The following TLN1 variants were observed in gnomAD, a reference collection of about 807,000 sequenced individuals.
TLN1 encodes talin-1.
A neutral mutation model predicts 292.3 loss-of-function variants in TLN1; 56 were observed. The observed-to-expected ratio is 0.19, with a 90% CI of 0.15 to 0.24. TLN1 has a LOEUF of 0.24. TLN1 is among the 10% of genes least tolerant of loss of function. The probability of loss-of-function intolerance (pLI) is 1.00; values close to 1 mark genes in which losing one functional copy is unlikely to be tolerated. For missense variants in TLN1, 2,433 were observed against 3,248.2 expected (o/e 0.75, Z 6.10); for synonymous variants, 1,119 against 1,253.7 (o/e 0.89, Z 2.27).
chr9:35,717,318 T>C lies in TLN1; in HGVS notation c.2286A>G (p.Gln762=), dbSNP rs763542371. The stretch of plus-strand genomic sequence containing the variant: ...CTGCTGCTCCTACCCCTCGCAACAG[T>C]TGCCCATCCTCTGTAGCTGCCTGGG... ...SASQAATEDG[Q]LLRGVGAAAT... is the part of the protein sequence containing the mutation. The change falls in exon 19 of 57, where the codon CAA becomes CAG. Residue 762 remains glutamine (Q), a synonymous_variant. Coordinates refer to ENST00000314888, the MANE Select transcript of TLN1 (RefSeq NM_006289.4). The surrounding 1 kb of genome is among the most constrained non-coding windows in gnomAD (Gnocchi z 4.7). The C allele has an allele frequency of 2.5e-6, 4 of 1,613,984 alleles. No homozygotes were observed. The African/African-American group carries it at 4.0e-5, about 16-fold the overall frequency.
intron 30 of TLN1, 85 bp from the exon 31 acceptor site, chr9:35,711,167 C>T (rs949195343): frequency 6.2e-7 from 1 of 1,609,798 alleles, no homozygotes; most frequent in Admixed American, 1.7e-5. Context: ...TGCCTATAAC[C>T]ATTCCTAAGC....
rs944856694 is a variant in TLN1 at position 35,705,870 on chromosome 9, G to A, written c.5512-19C>T. The A allele has an allele frequency of 5.0e-6, 8 of 1,614,146 alleles. No individual in the cohort carries two copies. In the Admixed American group the frequency reaches 6.7e-5, roughly 13 times the overall value. ...CATCTAGCTGAGGGGGGAGGATAGGGAAAGGGAAAGACTGTTAGGGTCTCT... is the reference window on the plus strand; with the variant it reads ...CATCTAGCTGAGGGGGGAGGATAGGAAAAGGGAAAGACTGTTAGGGTCTCT... On this transcript the variant is annotated intron_variant, in intron 41 of 56. Transcript: ENST00000314888.
Position 35,726,227 on chromosome 9 carries a change from C to T in TLN1, c.-33-500G>A, listed in dbSNP as rs557322943. On this transcript the variant is annotated intron_variant, in intron 1 of 56. Transcript: ENST00000314888. ...CCGGCCAAGTCCTAACAATTTAAGA[C>T]ATCTGAGGGAAAGGAGAAGCTGGTC... Among the ~76,000 whole-genome samples the T allele has an allele frequency of 1.4e-3, 214 of 152,318 alleles. 1 individual carries two copies. Among genetic ancestry groups the T allele is most frequent in the African/African-American group, 5.1e-3 (210 of 41,576 alleles).
At chr9:35,705,108 G>A (rs867628425) in intron 43 of TLN1, among the ~76,000 whole-genome samples, 2 of 152,204 alleles carry the variant, frequency 1.3e-5, no homozygotes, top group African/African-American at 2.4e-5. Flanking sequence ...TCAGAGGGCC[G>A]TGGATTACCA....
At position 35,719,791 on chromosome 9, in the gene TLN1, G is replaced by C. The variant is rs1825848983; in HGVS notation, c.1527C>G (p.Ala509=). The C allele has an allele frequency of 1.2e-6, 2 of 1,606,266 alleles. No homozygotes were observed. The highest frequency in any genetic ancestry group is 1.7e-6 in the Non-Finnish European group (2 of 1,176,300). Residue 509 remains alanine, a synonymous_variant, in exon 14 of 57, where the codon GCC becomes GCG. Coordinates refer to ENST00000314888, the MANE Select transcript of TLN1 (RefSeq NM_006289.4). This position sits in a 1 kb window ranked among gnomAD's most constrained non-coding sequence, Gnocchi z 4.6. The part of the protein sequence containing the change: ...INSSMQAVQA[A]QATLDDFDTL... ...TGTCAAAGTCATCCAGGGTGGCCTGGGCAGCCTGCACGGCCTGCATGCTGG... is the reference window on the plus strand; with the variant it reads ...TGTCAAAGTCATCCAGGGTGGCCTGCGCAGCCTGCACGGCCTGCATGCTGG...
Position 35,707,091 on chromosome 9 carries a change from T to C in TLN1, c.4936A>G (p.Lys1646Glu). 1 of 1,612,634 alleles carries C rather than the reference T, an allele frequency of 6.2e-7. No homozygotes were observed. The highest frequency in any genetic ancestry group is 8.5e-7 in the Non-Finnish European group (1 of 1,179,688). The change falls in exon 37 of 57, where the codon AAG becomes GAG. Residue 1646 changes from lysine to glutamate, a missense_variant. Lys to Glu is a moderately conservative substitution (Grantham distance 56). Coordinates refer to ENST00000314888, the MANE Select transcript of TLN1 (RefSeq NM_006289.4). This position sits in a 1 kb window ranked among gnomAD's most constrained non-coding sequence, Gnocchi z 5.6. ...CAATACCTCATGCTTGTAATTAGCT[T>C]CTTGATGGAGTCTGAGACAGTACGG... ...HSRTVSDSIK[K>E]LITSMRDKAP...
rs62545555 is a variant in TLN1, at chr9:35,711,347, G to A, written c.3927C>T (p.Ser1309=). 3.6e-4 allele frequency: 574 copies of A among 1,614,052 alleles called. No individual in the cohort carries two copies. The highest frequency in any genetic ancestry group is 4.7e-4 in the Non-Finnish European group (550 of 1,180,042). Residue 1309 remains serine (S), a synonymous_variant, in exon 30 of 57, where the codon TCC becomes TCT. Transcript: ENST00000314888. ...AQVVSNLKGI[S]MSSSKLLLAA... Reference sequence around the variant, plus strand: ...CCAGAAGAAGTTTGCTTGAAGACATGGAGATGCCCTTCAAGTTGGACACAA... The same window carrying A: ...CCAGAAGAAGTTTGCTTGAAGACATAGAGATGCCCTTCAAGTTGGACACAA...
In TLN1 at chr9:35,703,564, A is replaced by C; in HGVS notation, c.6470T>G (p.Leu2157Arg). 1.2e-6 allele frequency: 2 copies of C among 1,614,100 alleles called. No homozygotes were observed. The highest frequency in any genetic ancestry group is 1.1e-5 in the South Asian group (1 of 91,078). The stretch of plus-strand genomic sequence containing the variant: ...ATGCCCCAGACTCTCACTCACCGCC[A>C]GCTCCTGCCGTATGTGTTCTGTGGT... ...EATTEHIRQELAVFCSPEPPA... is the reference protein window; with the variant it reads ...EATTEHIRQERAVFCSPEPPA... The change falls in exon 48 of 57, where the codon CTG becomes CGG. Residue 2157 changes from leucine (L) to arginine (R), a missense_variant. Leu to Arg is a moderately radical substitution (Grantham distance 102). This residue lies in a region of TLN1 where 1,384 missense variants were observed against 1,699.6 expected (regional missense o/e 0.81). Transcript: ENST00000314888.
intron 1 of TLN1, among the ~76,000 whole-genome samples, chr9:35,731,128 A>C (rs1210413536): frequency 6.6e-6 from 1 of 152,162 alleles, no homozygotes. Context: ...AAATTAGTTT[A>C]TCTCTCTGGG....
At chr9:35,711,852 G>A (rs1825675561) in intron 28 of TLN1, 60 bp from the exon 29 acceptor site, 2 of 1,607,858 alleles carry the variant, frequency 1.2e-6, no homozygotes, top group East Asian at 4.5e-5. Flanking sequence ...GAGAAGTCTG[G>A]TAAAGGAGGG....
intron 33 of TLN1, among the ~76,000 whole-genome samples, chr9:35,709,404 C>CT (rs1825620728): frequency 6.6e-6 from 1 of 152,122 alleles, no homozygotes; most frequent in Non-Finnish European, 1.5e-5. Flanking sequence ...AGATGGAGGG[C>CT]TAGGATGGTA....
At chr9:35,720,625 T>A in intron 11 of TLN1, 116 bp from the exon 12 acceptor site, 1 of 1,175,432 alleles carries the variant, frequency 8.5e-7, no homozygotes, top group Non-Finnish European at 1.2e-6. Flanking sequence ...GTCCATTTCT[T>A]TTTCTTTTTT....
chr9:35,710,180 G>A (rs1353439622), intron 33 of TLN1, among the ~76,000 whole-genome samples: 5 of 136,304 alleles, frequency 3.7e-5, no homozygotes, highest in East Asian at 2.2e-4. Flanking sequence ...CCTAGATCAC[G>A]CCATTGCACT....
Position 35,714,988 on chromosome 9 carries a change from C to A in TLN1, c.2754+71G>T. The A allele has an allele frequency of 6.2e-7, 1 of 1,611,544 alleles. No individual in the cohort carries two copies. Among genetic ancestry groups the A allele is most frequent in the South Asian group, 1.1e-5 (1 of 90,908 alleles). Reference sequence around the variant, plus strand: ...AGGACGTATTAACTTACTCTCCGCACCTCCCTTTCAGTTCATTCCTCCCAC... The same window carrying A: ...AGGACGTATTAACTTACTCTCCGCAACTCCCTTTCAGTTCATTCCTCCCAC... On this transcript the variant is annotated intron_variant, in intron 21 of 56. Coordinates refer to ENST00000314888, the MANE Select transcript of TLN1 (RefSeq NM_006289.4). This position sits in a 1 kb window ranked among gnomAD's most constrained non-coding sequence, Gnocchi z 4.6.
chr9:35,718,945 A>T, intron 16 of TLN1, 35 bp from the exon 17 acceptor site: 1 of 1,607,162 alleles, frequency 6.2e-7, no homozygotes, highest in Middle Eastern at 1.7e-4. Context: ...AAGCTGCCCA[A>T]TCCCTGCCCA....
chr9:35,698,393 G>C lies in TLN1; in HGVS notation c.7301C>G (p.Ser2434Cys). The C allele has an allele frequency of 1.9e-6, 3 of 1,614,214 alleles. No individual in the cohort carries two copies. The highest frequency in any genetic ancestry group is 2.5e-6 in the Non-Finnish European group (3 of 1,180,048). ...LISSAKQVAA[S>C]TAQLLVACKV... is the part of the protein sequence containing the mutation. ...GCAGGCCACAAGGAGCTGGGCTGTG[G>C]AGGCAGCTACCTGCTTGGCTGATGA... Residue 2434 changes from serine (S) to cysteine (C), a missense_variant, in exon 55 of 57, where the codon TCC becomes TGC. Around this residue, in one of 7 missense-constraint regions of TLN1, gnomAD observed 141 missense variants for 248.5 expected, o/e 0.57. Coordinates refer to ENST00000314888, the MANE Select transcript of TLN1 (RefSeq NM_006289.4). This position sits in a 1 kb window ranked among gnomAD's most constrained non-coding sequence, Gnocchi z 5.3.
rs1185034404 is a variant in TLN1 at position 35,719,112 on chromosome 9, A to G, written c.1858T>C (p.Ser620Pro). Residue 620 changes from serine (S) to proline (P), a missense_variant, in exon 16 of 57, where the codon TCA (serine) becomes CCA (proline). Physicochemically the swap from Ser to Pro is moderately conservative, Grantham distance 74. Around this residue, in one of 7 missense-constraint regions of TLN1, gnomAD observed 617 missense variants for 770.6 expected, o/e 0.80. Transcript: ENST00000314888. This position sits in a 1 kb window ranked among gnomAD's most constrained non-coding sequence, Gnocchi z 4.6. ...GGTTGGGCACTGCGCAGCAGTTCTG[A>G]CACTGCTCCCGCAAGGCCCTTTGCT... Reference protein sequence around the residue: ...QAAKGLAGAVSELLRSAQPAS... With the variant: ...QAAKGLAGAVPELLRSAQPAS... 1 of 1,613,786 alleles carries G rather than the reference A, an allele frequency of 6.2e-7. No homozygotes were observed. Among genetic ancestry groups the G allele is most frequent in the East Asian group, 2.2e-5 (1 of 44,888 alleles).
At chr9:35,713,811 GGAA>G (rs1466781338) in intron 25 of TLN1, 139 bp downstream of exon 25, 2 of 851,940 alleles carry the variant, frequency 2.3e-6, no homozygotes, top group Admixed American at 3.3e-5. Flanking sequence ...AAAAAAGGAA[GGAA>G]GAAGAAAGAA....
intron 1 of TLN1, among the ~76,000 whole-genome samples, chr9:35,728,208 G>A (rs1253957883): frequency 3.3e-5 from 5 of 152,200 alleles, no homozygotes; most frequent in Admixed American, 3.3e-4. Flanking sequence ...TTGGAGCTAA[G>A]AAAGTTGGGG....
Sources: gnomAD v4.1 joint callset for allele counts (sites outside exome capture counted in the v4.1 genomes callset) on GRCh38, gnomAD v4.1.1 for gene constraint, gnomAD v4.1.1 regional missense constraint, Gnocchi (gnomAD v3.1) non-coding constraint, MANE v1.5 for transcripts, NCBI Gene and HGNC (gene_info 2026-07-23, HGNC 2026-07-21) for gene names.